The following EPC1 variants were observed in gnomAD, a reference collection of about 807,000 sequenced individuals.
EPC1 encodes the protein enhancer of polycomb 1, also known as enhancer of polycomb homolog 1.
A neutral mutation model predicts 98.4 loss-of-function variants in EPC1; 12 were observed. That is an observed-to-expected ratio of 0.12 (90% CI 0.08 to 0.20). EPC1 has a LOEUF of 0.20. EPC1 is among the 10% of genes least tolerant of loss of function. The pLI is 1.00. For missense variants in EPC1, 729 were observed against 990.5 expected, an observed-to-expected ratio of 0.74 and a Z score of 3.54; for synonymous variants, 357 against 363.9, an observed-to-expected ratio of 0.98 and a Z score of 0.21.
intron 1 of EPC1, among the ~76,000 whole-genome samples, chr10:32,314,742 A>G (rs1003742209): frequency 6.6e-6 from 1 of 152,228 alleles, no homozygotes; most frequent in Non-Finnish European, 1.5e-5. Context: ...TTTTTATTAA[A>G]TAAGAGTGAC....
intron 1 of EPC1, among the ~76,000 whole-genome samples, chr10:32,321,670 C>G (rs529043100): frequency 6.6e-6 from 1 of 151,968 alleles, no homozygotes; most frequent in African/African-American, 2.4e-5. Flanking sequence ...TCACTATGTT[C>G]AGACCCTTTA....
At position 32,276,395 on chromosome 10, in the gene EPC1, C is replaced by A. The variant is rs937181342; in HGVS notation, c.1745-3114G>T. ...GGCGTGGTGGCACATGCCTGTAATCCCAGCTACTCGGGAGGCTGAGGCACG... is the reference window on the plus strand; with the variant it reads ...GGCGTGGTGGCACATGCCTGTAATCACAGCTACTCGGGAGGCTGAGGCACG... On this transcript the variant is annotated intron_variant, in intron 10 of 13. Coordinates refer to ENST00000319778, the MANE Select transcript of EPC1 (RefSeq NM_001272004.3). Among the ~76,000 whole-genome samples, 14 of 152,180 alleles carry A rather than the reference C, an allele frequency of 9.2e-5. 1 individual carries two copies. Among genetic ancestry groups the A allele is most frequent in the Non-Finnish European group, 1.5e-5 (1 of 68,032 alleles).
At chr10:32,350,266 T>C (rs1259042932), upstream of EPC1, among the ~76,000 whole-genome samples, 1 of 152,218 alleles carries the variant, frequency 6.6e-6, no homozygotes, top group East Asian at 1.9e-4. Context: ...AGTACTGTCA[T>C]TGTAGGGGAT....
intron 1 of EPC1, among the ~76,000 whole-genome samples, chr10:32,336,071 T>TCTTTTC (rs57827245): frequency 1.4e-5 from 2 of 145,544 alleles, no homozygotes; most frequent in Non-Finnish European, 3.0e-5. Context: ...CCTTTTCTTT[T>TCTTTTC]TTTTTTTTTT....
rs530225667 is a variant in EPC1, at chr10:32,304,947, A to G, written c.313+825T>C. On this transcript the variant is annotated intron_variant, in intron 2 of 13. Coordinates refer to ENST00000319778, the MANE Select transcript of EPC1 (RefSeq NM_001272004.3). ...AAAAAAAAAAAAAAAGAAAAAAGAAAAAAGAAAAACCTCTTGATCATAAAG... is the reference window on the plus strand; with the variant it reads ...AAAAAAAAAAAAAAAGAAAAAAGAAGAAAGAAAAACCTCTTGATCATAAAG... 6.6e-5 allele frequency among the ~76,000 whole-genome samples: 10 copies of G among 151,942 alleles called. No homozygotes were observed. In the South Asian group the frequency reaches 1.7e-3, roughly 25 times the overall value.
At chr10:32,287,702 C>A (rs980460610) in intron 6 of EPC1, among the ~76,000 whole-genome samples, 1 of 151,906 alleles carries the variant, frequency 6.6e-6, no homozygotes, top group Non-Finnish European at 1.5e-5. Context: ...AAAATGTCTT[C>A]GTATACACAG....
At chr10:32,370,906 G>A (rs1341842077) in intron 1 of EPC1, among the ~76,000 whole-genome samples, 2 of 152,158 alleles carry the variant, frequency 1.3e-5, no homozygotes, top group African/African-American at 4.8e-5. Context: ...GATGCTGAAT[G>A]ACTCTTTTTG....
intron 1 of EPC1, among the ~76,000 whole-genome samples, chr10:32,359,199 A>G (rs2133098112): frequency 6.6e-6 from 1 of 152,342 alleles, no homozygotes; most frequent in East Asian, 1.9e-4. Context: ...TGCCAAATAA[A>G]CTTTGAAAAG....
intron 1 of EPC1, among the ~76,000 whole-genome samples, chr10:32,363,078 T>C (rs748833264): frequency 4.6e-5 from 7 of 152,064 alleles, no homozygotes; most frequent in Non-Finnish European, 1.0e-4. Context: ...GGGAGACAAC[T>C]CTTTATTACC....
At chr10:32,356,449 C>A (rs1032739203) in intron 1 of EPC1, among the ~76,000 whole-genome samples, 7 of 151,874 alleles carry the variant, frequency 4.6e-5, no homozygotes, top group African/African-American at 1.7e-4. Flanking sequence ...GAGAATGGAG[C>A]CCTGGGGAAT....
chr10:32,347,316 C>T, upstream of EPC1: 1 of 531,912 alleles, frequency 1.9e-6, no homozygotes, highest in Non-Finnish European at 2.5e-6. Flanking sequence ...CCGCGCCTCG[C>T]TGCTCCGGGC....
upstream of EPC1, among the ~76,000 whole-genome samples, chr10:32,351,878 G>C (rs1380343099): frequency 4.7e-5 from 7 of 148,156 alleles, no homozygotes; most frequent in African/African-American, 1.7e-4. Context: ...TTACAAGTGT[G>C]CGCCATCACG....
At chr10:32,318,820 C>G (rs11008877) in intron 1 of EPC1, among the ~76,000 whole-genome samples, 1 of 152,308 alleles carries the variant, frequency 6.6e-6, no homozygotes, top group East Asian at 1.9e-4. Flanking sequence ...GGCCTTCTAA[C>G]CTCTAGTATT....
At chr10:32,341,019 T>C (rs980170528) in intron 1 of EPC1, among the ~76,000 whole-genome samples, 2 of 152,210 alleles carry the variant, frequency 1.3e-5, no homozygotes, top group African/African-American at 4.8e-5. Flanking sequence ...TATGTCATAC[T>C]TTCATATCAC....
At chr10:32,308,403 A>C (rs2505418) in intron 1 of EPC1, among the ~76,000 whole-genome samples, 2 of 151,746 alleles carry the variant, frequency 1.3e-5, no homozygotes, top group African/African-American at 4.8e-5. Flanking sequence ...AAAAGCATAC[A>C]CCAATGTCTG....
intron 7 of EPC1, 34 bp from the exon 8 acceptor site, chr10:32,287,049 G>T (rs373803739): frequency 6.2e-7 from 1 of 1,613,376 alleles, no homozygotes; most frequent in African/African-American, 1.3e-5. Flanking sequence ...GGTCAGATAC[G>T]TGACTTCCTA....
At chr10:32,306,067 T>C (rs1329896181) in intron 1 of EPC1, 136 bp from the exon 2 acceptor site, 3 of 735,582 alleles carry the variant, frequency 4.1e-6, no homozygotes, top group Non-Finnish European at 6.0e-6. Flanking sequence ...AAGCATGTTG[T>C]TAACACGATA....
chr10:32,280,177 T>G (rs183640927), intron 10 of EPC1, among the ~76,000 whole-genome samples: 107 of 152,312 alleles, frequency 7.0e-4, no homozygotes, highest in African/African-American at 2.5e-3. Flanking sequence ...TATCTTCATT[T>G]AGAATTTCCT....
intron 1 of EPC1, chr10:32,345,263 T>C: frequency 1.0e-6 from 1 of 985,400 alleles, no homozygotes; most frequent in Non-Finnish European, 1.2e-6. Flanking sequence ...AACTAGACAA[T>C]CTGAGCTACT....
Sources: allele counts gnomAD v4.1 joint callset (sites outside exome capture counted in the v4.1 genomes callset), GRCh38; gene constraint gnomAD v4.1.1; transcripts MANE v1.5; gene names NCBI Gene and HGNC (gene_info 2026-07-23, HGNC 2026-07-21).